PID1: variants seen among roughly 807,000 people sequenced by gnomAD.
The protein encoded by PID1 is phosphotyrosine interaction domain containing 1, also known as PTB-containing, cubilin and LRP1-interacting protein.
Under a neutral mutation model 19.1 loss-of-function variants are expected in PID1, and 10 were observed. The ratio of observed to expected loss-of-function variants is 0.52; its 90% CI spans 0.32 to 0.89. The LOEUF is 0.89. Ranked by LOEUF, PID1 falls within the 40% of genes least tolerant of loss-of-function variation. PID1 has a pLI of 0.03. For missense variants in PID1, 248 were observed against 285.3 expected (o/e 0.87, Z 0.94); for synonymous variants, 130 against 116.0 (o/e 1.12, Z -0.78).
At chr2:229,252,686 T>C (rs1165108572) in intron 1 of PID1, among the ~76,000 whole-genome samples, 3 of 152,198 alleles carry the variant, frequency 2.0e-5, no homozygotes, top group Non-Finnish European at 4.4e-5. Flanking sequence ...CTGAGCTGTA[T>C]CACTCAGTCT....
rs1193858880 is a variant in PID1, at chr2:229,025,015, T to C, written c.*617A>G. The C allele has an allele frequency of 6.5e-6, 1 of 153,562 alleles. No individual in the cohort carries two copies. Among genetic ancestry groups the C allele is most frequent in the African/African-American group, 2.4e-5 (1 of 41,424 alleles). 9.5% of individuals were successfully genotyped at this position (153,562 alleles called of 1,614,324 possible). A position where few individuals can be genotyped will look rare whatever the true frequency, so the allele number is the denominator to read the frequency against. ...AGATGAAGTGAATACAATAAGAGGGTACTACTTGGTATATTTATGTAAATA... is the reference window on the plus strand; with the variant it reads ...AGATGAAGTGAATACAATAAGAGGGCACTACTTGGTATATTTATGTAAATA... On this transcript the variant is annotated 3_prime_UTR_variant, in exon 3 of 3. Coordinates refer to ENST00000392055, the MANE Select transcript of PID1 (RefSeq NM_001100818.2).
chr2:229,175,101 G>A (rs13013873), intron 1 of PID1, among the ~76,000 whole-genome samples: 52,025 of 152,056 alleles, frequency 0.34, 9,263 homozygotes, highest in African/African-American at 0.4. Context: ...CAGTTGAGCC[G>A]TTCCTGCTGG....
intron 1 of PID1, among the ~76,000 whole-genome samples, chr2:229,210,525 CAAA>C (rs1170895327): frequency 6.4e-5 from 1 of 15,532 alleles, no homozygotes; most frequent in Non-Finnish European, 1.0e-4. Context: ...AGTTTTGTCT[CAAA>C]AAAAAAAAAA....
At chr2:229,111,103 T>A (rs772742252) in intron 2 of PID1, among the ~76,000 whole-genome samples, 41 of 152,218 alleles carry the variant, frequency 2.7e-4, no homozygotes, top group Non-Finnish European at 4.7e-4. Context: ...CATGGAAGAC[T>A]TGCCTTTTGC....
chr2:229,042,778 T>C (rs1693796925), intron 2 of PID1, among the ~76,000 whole-genome samples: 1 of 152,192 alleles, frequency 6.6e-6, no homozygotes. Context: ...TTTCATATTC[T>C]TAACATAATC....
chr2:229,070,383 C>G (rs746750341), intron 2 of PID1, among the ~76,000 whole-genome samples: 36 of 152,088 alleles, frequency 2.4e-4, no homozygotes, highest in Non-Finnish European at 4.6e-4. Context: ...ATCAAAGGCT[C>G]TTGAGGGGAT....
At chr2:229,050,160 G>T (rs1693965216) in intron 2 of PID1, among the ~76,000 whole-genome samples, 1 of 152,106 alleles carries the variant, frequency 6.6e-6, no homozygotes, top group Non-Finnish European at 1.5e-5. Flanking sequence ...AATCCCTGGG[G>T]CAAGACAAGA....
chr2:229,185,437 T>C (rs376837719), intron 1 of PID1, among the ~76,000 whole-genome samples: 14 of 152,282 alleles, frequency 9.2e-5, no homozygotes, highest in African/African-American at 3.4e-4. Context: ...TAGTCTGTTT[T>C]CATGCTGCTG....
chr2:229,172,715 A>C (rs924654623), intron 1 of PID1, among the ~76,000 whole-genome samples: 1 of 151,920 alleles, frequency 6.6e-6, no homozygotes. Flanking sequence ...ACTTCAACAT[A>C]ATATTTTGTT....
chr2:229,168,281 G>C (rs1170596420), intron 1 of PID1, among the ~76,000 whole-genome samples: 2 of 151,792 alleles, frequency 1.3e-5, no homozygotes, highest in South Asian at 2.1e-4. Context: ...TCTCCTTCTG[G>C]CTTTTCAATT....
chr2:229,128,023 T>C (rs1695658953), intron 2 of PID1, among the ~76,000 whole-genome samples: 1 of 152,168 alleles, frequency 6.6e-6, no homozygotes, highest in Non-Finnish European at 1.5e-5. Flanking sequence ...ACAAGCCCTT[T>C]GTGTGCAGGG....
intron 2 of PID1, among the ~76,000 whole-genome samples, chr2:229,062,332 T>C (rs1375605628): frequency 6.6e-6 from 1 of 152,018 alleles, no homozygotes; most frequent in Non-Finnish European, 1.5e-5. Context: ...TTTCTGCATC[T>C]AAGAAGATGA....
At chr2:229,056,803 G>C (rs991116670) in intron 2 of PID1, among the ~76,000 whole-genome samples, 19 of 151,942 alleles carry the variant, frequency 1.3e-4, no homozygotes, top group Non-Finnish European at 2.9e-5. Context: ...CCGTGTCCCT[G>C]GTGGTTCATC....
intron 1 of PID1, among the ~76,000 whole-genome samples, chr2:229,200,107 T>C (rs768978227): frequency 6.6e-5 from 10 of 151,924 alleles, no homozygotes. Flanking sequence ...TGTGAGGCTA[T>C]TGAACTAAGT....
chr2:229,026,884 G>A lies in PID1; in HGVS notation c.178-776C>T, dbSNP rs116434269. Among the ~76,000 whole-genome samples, 1,435 of 152,218 alleles carry A rather than the reference G, an allele frequency of 9.4e-3. 33 individuals are homozygous for A. Among genetic ancestry groups the A allele is most frequent in the African/African-American group, 0.032 (1,340 of 41,528 alleles). On this transcript the variant is annotated intron_variant, in intron 2 of 2. Transcript: ENST00000392055. ...ATTCAAATACTGTCTTTTTAAAAGC[G>A]TGTTTATAATATGCCAAGAAGGGAT...
intron 2 of PID1, among the ~76,000 whole-genome samples, chr2:229,090,616 C>T (rs1003498794): frequency 7.2e-5 from 11 of 152,264 alleles, no homozygotes; most frequent in Admixed American, 1.3e-4. Context: ...TTTTTAAGTA[C>T]CCAATTCCCT....
At chr2:229,106,305 A>G (rs552535236) in intron 2 of PID1, among the ~76,000 whole-genome samples, 1 of 152,290 alleles carries the variant, frequency 6.6e-6, no homozygotes, top group African/African-American at 2.4e-5. Context: ...CATGATTACC[A>G]CTTTGAGAGC....
At chr2:229,176,244 C>A (rs1362257) in intron 1 of PID1, among the ~76,000 whole-genome samples, 151,373 of 152,290 alleles carry the variant, frequency 0.99, 75,237 homozygotes, top group Non-Finnish European at 1. Context: ...ACTTCCCACC[C>A]GTGAATGGTC....
At chr2:229,175,601 T>C (rs1690803526) in intron 1 of PID1, among the ~76,000 whole-genome samples, 1 of 152,200 alleles carries the variant, frequency 6.6e-6, no homozygotes, top group Non-Finnish European at 1.5e-5. Flanking sequence ...CTAAAAGAAT[T>C]GTTCAGACCA....
Sources: allele counts gnomAD v4.1 joint callset (sites outside exome capture counted in the v4.1 genomes callset), GRCh38; gene constraint gnomAD v4.1.1; transcripts MANE v1.5; gene names NCBI Gene and HGNC (gene_info 2026-07-23, HGNC 2026-07-21).